Variants in ZDHHC3 observed in about 807,000 individuals in gnomAD.
The protein encoded by ZDHHC3 is zDHHC palmitoyltransferase 3, also known as palmitoyltransferase ZDHHC3.
A neutral mutation model predicts 30.6 loss-of-function variants in ZDHHC3; 9 were observed. The observed-to-expected ratio is 0.29, with a 90% confidence interval of 0.18 to 0.51. The LOEUF (loss-of-function observed/expected upper bound fraction) is 0.51. Among genes scored for constraint, ZDHHC3 ranks in the 20% least tolerant of loss-of-function variants. The probability of loss-of-function intolerance (pLI) is 0.97; values close to 1 mark genes in which losing one functional copy is unlikely to be tolerated. For synonymous variants in ZDHHC3, 136 were observed against 140.2 expected (o/e 0.97, Z 0.21); for missense variants, 246 against 384.2 (o/e 0.64, Z 3.01).
In ZDHHC3 at chr3:44,959,765, T is replaced by G. The variant is rs1281074930; in HGVS notation, c.-24-305A>C. 1.3e-5 allele frequency among the ~76,000 whole-genome samples: 2 copies of G among 152,138 alleles called. No homozygotes were observed. Among genetic ancestry groups the G allele is most frequent in the African/African-American group, 4.8e-5 (2 of 41,408 alleles). Reference sequence around the variant, plus strand: ...CAGCCTGCCAATTTGTTTTTTTCTTTTTTTGAGACCAGGTGGGGTCTCACT... The same window carrying G: ...CAGCCTGCCAATTTGTTTTTTTCTTGTTTTGAGACCAGGTGGGGTCTCACT... On this transcript the variant is annotated intron_variant, in intron 1 of 6. Transcript: ENST00000424952. The surrounding 1 kb of genome is among the most constrained non-coding windows in gnomAD (Gnocchi z 4.3).
rs556426986 is a variant in ZDHHC3 at position 44,921,705 on chromosome 3, T to C, written c.*4984A>G. On this transcript the variant is annotated 3_prime_UTR_variant, in exon 7 of 7. Transcript: ENST00000424952. ...TTTGTGATTTAGATTATCATTCCCG[T>C]TTTCAGATGAAAAAACTGAGGCTTA... 5.2e-6 allele frequency: 5 copies of C among 965,476 alleles called. No homozygotes were observed. Among genetic ancestry groups the C allele is most frequent in the Non-Finnish European group, 6.2e-6 (5 of 811,914 alleles). 59.8% of individuals were successfully genotyped at this position (965,476 alleles called of 1,614,324 possible). A position where few individuals can be genotyped will look rare whatever the true frequency, so the allele number is the denominator to read the frequency against.
In ZDHHC3 at chr3:44,928,055, C is replaced by T. The variant is rs1050522822; in HGVS notation, c.742-1208G>A. Among the ~76,000 whole-genome samples the T allele has an allele frequency of 4.1e-4, 63 of 152,184 alleles. 1 individual carries two copies. The highest frequency in any genetic ancestry group is 1.3e-4 in the Admixed American group (2 of 15,288). ...CTTCTGGCTCCCCCAGACCGTGGCC[C>T]GGCAGTATCCCAATGGCAGACTGGT... On this transcript the variant is annotated intron_variant, in intron 6 of 6. Coordinates refer to ENST00000424952, the MANE Select transcript of ZDHHC3 (RefSeq NM_001135179.2).
Position 44,919,908 on chromosome 3 carries a change from T to C in ZDHHC3, c.*6781A>G. 9.6e-7 allele frequency: 1 copy of C among 1,043,942 alleles called. No individual in the cohort carries two copies. Among genetic ancestry groups the C allele is most frequent in the Non-Finnish European group, 1.2e-6 (1 of 861,662 alleles). 64.7% of individuals were successfully genotyped at this position (1,043,942 alleles called of 1,614,324 possible). A position where few individuals can be genotyped will look rare whatever the true frequency, so the allele number is the denominator to read the frequency against. On this transcript the variant is annotated 3_prime_UTR_variant, in exon 7 of 7. Coordinates refer to ENST00000424952, the MANE Select transcript of ZDHHC3 (RefSeq NM_001135179.2). Reference sequence around the variant, plus strand: ...CAATACAAACTTGAACACTGAATTATAATAATGCAAAGCTGGAAATGAGAA... The same window carrying C: ...CAATACAAACTTGAACACTGAATTACAATAATGCAAAGCTGGAAATGAGAA...
At chr3:44,930,774 C>T (rs564555948) in intron 5 of ZDHHC3, among the ~76,000 whole-genome samples, 2 of 152,270 alleles carry the variant, frequency 1.3e-5, no homozygotes, top group East Asian at 3.9e-4. Flanking sequence ...TTCTTGGCTC[C>T]TTGTGGGGCA....
chr3:44,926,681 G>T lies in ZDHHC3; in HGVS notation c.*8C>A. 6.3e-7 allele frequency: 1 copy of T among 1,585,020 alleles called. No homozygotes were observed. Among genetic ancestry groups the T allele is most frequent in the Non-Finnish European group, 8.6e-7 (1 of 1,168,000 alleles). Reference sequence around the variant, plus strand: ...TTGTGTCTGAGTGGCCATGCCGGTCGGGGTCCTTCAGACCACATACTGGTA... The same window carrying T: ...TTGTGTCTGAGTGGCCATGCCGGTCTGGGTCCTTCAGACCACATACTGGTA... On this transcript the variant is annotated 3_prime_UTR_variant, in exon 7 of 7. Transcript: ENST00000424952.
Position 44,959,213 on chromosome 3 carries a change from T to C in ZDHHC3, c.224A>G (p.Tyr75Cys). Residue 75 changes from tyrosine to cysteine, a missense_variant, in exon 2 of 7, where the codon TAT (tyrosine) becomes TGT (cysteine). Transcript: ENST00000424952. The surrounding 1 kb of genome is among the most constrained non-coding windows in gnomAD (Gnocchi z 4.3). Reference sequence around the variant, plus strand: ...GAACACAATTCCGTTGATGATGCTATACACGTAGTCTCGAGATGGAATCAG... The same window carrying C: ...GAACACAATTCCGTTGATGATGCTACACACGTAGTCTCGAGATGGAATCAG... The part of the protein sequence containing the change: ...VMLIPSRDYV[Y>C]SIINGIVFNL... The C allele has an allele frequency of 1.2e-6, 2 of 1,614,228 alleles. No homozygotes were observed. Among genetic ancestry groups the C allele is most frequent in the Non-Finnish European group, 1.7e-6 (2 of 1,180,038 alleles).
chr3:44,949,878 C>T (rs1703285086), intron 2 of ZDHHC3, among the ~76,000 whole-genome samples: 2 of 152,148 alleles, frequency 1.3e-5, no homozygotes, highest in African/African-American at 4.8e-5. Flanking sequence ...CTCTGTTGCC[C>T]AGGCTGGAGT....
chr3:44,959,264 G>A lies in ZDHHC3; in HGVS notation c.173C>T (p.Ala58Val), dbSNP rs1272575743. ...CATGACAAAGAGGACCACGAACTCC[G>A]CATAGAGGACCAGAAACCAGGTAAC... ...AIVTWFLVLY[A>V]EFVVLFVMLI... Residue 58 changes from alanine (A) to valine (V), a missense_variant, in exon 2 of 7, where the codon GCG (alanine) becomes GTG (valine). By Grantham distance (64) the Ala-to-Val change is moderately conservative (BLOSUM62 0). Transcript: ENST00000424952. The surrounding 1 kb of genome is among the most constrained non-coding windows in gnomAD (Gnocchi z 4.3). 6.2e-7 allele frequency: 1 copy of A among 1,614,228 alleles called. No individual in the cohort carries two copies. The highest frequency in any genetic ancestry group is 1.7e-5 in the Admixed American group (1 of 60,034).
At position 44,920,665 on chromosome 3, in the gene ZDHHC3, T is replaced by C. The variant is rs1700529095; in HGVS notation, c.*6024A>G. The C allele has an allele frequency of 2.0e-6, 2 of 985,284 alleles. No individual in the cohort carries two copies. The highest frequency in any genetic ancestry group is 1.7e-5 in the African/African-American group (1 of 57,218). 61.0% of individuals were successfully genotyped at this position (985,284 alleles called of 1,614,324 possible). On this transcript the variant is annotated 3_prime_UTR_variant, in exon 7 of 7. Coordinates refer to ENST00000424952, the MANE Select transcript of ZDHHC3 (RefSeq NM_001135179.2). ...TTCCAGTTCTACTGCAAATCACCAC[T>C]GTGCCCAGGCTGAGCTCAGTCAGAG...
Position 44,922,826 on chromosome 3 carries a change from G to A in ZDHHC3, c.*3863C>T, listed in dbSNP as rs1412033053. On this transcript the variant is annotated 3_prime_UTR_variant, in exon 7 of 7. Transcript: ENST00000424952. ...ATGCTGATGTTGACGTTGCTGGTCT[G>A]GCAACCTCAAGAACACCTTTGAGGA... The A allele has an allele frequency of 1.0e-6, 1 of 985,136 alleles. No individual in the cohort carries two copies. The highest frequency in any genetic ancestry group is 1.2e-6 in the Non-Finnish European group (1 of 829,902). 61.0% of individuals were successfully genotyped at this position (985,136 alleles called of 1,614,324 possible).
chr3:44,968,516 G>T (rs1705146467), intron 1 of ZDHHC3, among the ~76,000 whole-genome samples: 1 of 152,076 alleles, frequency 6.6e-6, no homozygotes, highest in Non-Finnish European at 1.5e-5. Context: ...GCAATATAGC[G>T]AGACCTCATC....
At position 44,959,961 on chromosome 3, in the gene ZDHHC3, C is replaced by T. The variant is rs1704329532; in HGVS notation, c.-24-501G>A. Reference sequence around the variant, plus strand: ...ATTTTTTTGTAGAGATGGGGTTTTGCCATGTTGCCCAGGCTGATCTCAAAC... The same window carrying T: ...ATTTTTTTGTAGAGATGGGGTTTTGTCATGTTGCCCAGGCTGATCTCAAAC... On this transcript the variant is annotated intron_variant, in intron 1 of 6. Coordinates refer to ENST00000424952, the MANE Select transcript of ZDHHC3 (RefSeq NM_001135179.2). The surrounding 1 kb of genome is among the most constrained non-coding windows in gnomAD (Gnocchi z 4.3). Among the ~76,000 whole-genome samples, 1 of 152,176 alleles carries T rather than the reference C, an allele frequency of 6.6e-6. No homozygotes were observed. The highest frequency in any genetic ancestry group is 2.4e-5 in the African/African-American group (1 of 41,442).
At chr3:44,968,071 C>G (rs564533609) in intron 1 of ZDHHC3, among the ~76,000 whole-genome samples, 59 of 152,096 alleles carry the variant, frequency 3.9e-4, no homozygotes, top group African/African-American at 1.3e-3. Flanking sequence ...GTGGTGGAGC[C>G]AGGATTCAAA....
intron 1 of ZDHHC3, among the ~76,000 whole-genome samples, chr3:44,970,910 G>A (rs1424525013): frequency 6.6e-6 from 1 of 152,118 alleles, no homozygotes; most frequent in Non-Finnish European, 1.5e-5. Flanking sequence ...TAAAAACCTG[G>A]CAAGATACTC....
Position 44,925,755 on chromosome 3 carries a change from A to G in ZDHHC3, c.*934T>C. On this transcript the variant is annotated 3_prime_UTR_variant, in exon 7 of 7. Coordinates refer to ENST00000424952, the MANE Select transcript of ZDHHC3 (RefSeq NM_001135179.2). ...GTGAATCCACTTTGAGGTTTATAAA[A>G]TGAGAAGGGGATGATGGTGGGGCTG... The G allele has an allele frequency of 1.0e-6, 1 of 985,730 alleles. No homozygotes were observed. The highest frequency in any genetic ancestry group is 4.7e-5 in the South Asian group (1 of 21,282). 61.1% of individuals were successfully genotyped at this position (985,730 alleles called of 1,614,324 possible).
chr3:44,954,198 A>C (rs1022028309), intron 2 of ZDHHC3, among the ~76,000 whole-genome samples: 7 of 152,134 alleles, frequency 4.6e-5, no homozygotes, highest in Admixed American at 1.3e-4. Context: ...AGTGGGATTC[A>C]AGAGGGGTCG....
intron 5 of ZDHHC3, among the ~76,000 whole-genome samples, chr3:44,930,694 AC>A (rs1053600057): frequency 6.6e-6 from 1 of 152,232 alleles, no homozygotes; most frequent in African/African-American, 2.4e-5. Context: ...CAGGTAAGAA[AC>A]ATCTCATCCA....
chr3:44,948,254 C>T (rs1001955976), intron 2 of ZDHHC3, among the ~76,000 whole-genome samples: 1 of 152,130 alleles, frequency 6.6e-6, no homozygotes, highest in Admixed American at 6.5e-5. Flanking sequence ...TATAACAGGC[C>T]AAGTGAGGGG....
In ZDHHC3 at chr3:44,919,402, A is replaced by G. The variant is rs1359649272; in HGVS notation, c.*7287T>C. ...CAGCCTACAGAATACCTGCCCTACA[A>G]TCTTCAAAAGGGTCAAAGATTGATG... On this transcript the variant is annotated 3_prime_UTR_variant, in exon 7 of 7. Coordinates refer to ENST00000424952, the MANE Select transcript of ZDHHC3 (RefSeq NM_001135179.2). 1 of 152,750 alleles carries G rather than the reference A, an allele frequency of 6.5e-6. No individual in the cohort carries two copies. Among genetic ancestry groups the G allele is most frequent in the African/African-American group, 2.4e-5 (1 of 41,484 alleles). 9.5% of individuals were successfully genotyped at this position (152,750 alleles called of 1,614,324 possible). A position where few individuals can be genotyped will look rare whatever the true frequency, so the allele number is the denominator to read the frequency against.
Sources: gnomAD v4.1 joint callset for allele counts (sites outside exome capture counted in the v4.1 genomes callset) on GRCh38, gnomAD v4.1.1 for gene constraint, Gnocchi (gnomAD v3.1) non-coding constraint, MANE v1.5 for transcripts, NCBI Gene and HGNC (gene_info 2026-07-23, HGNC 2026-07-21) for gene names.